ZPLD1: variants seen among roughly 807,000 people sequenced by gnomAD.
ZPLD1 encodes zona pellucida like domain containing 1, also known as zona pellucida-like domain-containing protein 1.
ZPLD1 carries 34 observed loss-of-function variants against 47.2 expected under a neutral mutation model. That is an observed-to-expected ratio of 0.72 (90% CI 0.55 to 0.96). The LOEUF (loss-of-function observed/expected upper bound fraction) is 0.96, where lower values mean the gene tolerates loss of function less well. ZPLD1 is among the 40% of genes least tolerant of loss of function. ZPLD1 has a pLI of 0.00. For missense variants in ZPLD1, 512 were observed against 505.8 expected (o/e 1.01, Z -0.12); for synonymous variants, 176 against 186.2 (o/e 0.95, Z 0.45).
intron 7 of ZPLD1, among the ~76,000 whole-genome samples, chr3:102,412,099 T>C (rs1429707614): frequency 6.6e-6 from 1 of 151,716 alleles, no homozygotes; most frequent in Non-Finnish European, 1.5e-5. Context: ...CCTCTGTCTT[T>C]ATTCTTAAGG....
rs1559763205 is a variant in ZPLD1, at chr3:102,474,295, G to C, written c.1043-2717G>C. On this transcript the variant is annotated intron_variant, in intron 10 of 11. Transcript: ENST00000466937. The stretch of plus-strand genomic sequence containing the variant: ...CAACACCAGAAAACAATACCTAATT[G>C]TTTTGTTTACTTAAATTCCTGTGGA... Among the ~76,000 whole-genome samples, 3 of 152,186 alleles carry C rather than the reference G, an allele frequency of 2.0e-5. 1 individual carries two copies. The East Asian group carries it at 5.8e-4, about 29-fold the overall frequency.
chr3:102,395,598 T>C (rs1260494118), intron 7 of ZPLD1, among the ~76,000 whole-genome samples: 1 of 152,150 alleles, frequency 6.6e-6, no homozygotes, highest in African/African-American at 2.4e-5. Flanking sequence ...ATAAGATCAA[T>C]TTGGGCTTCT....
At chr3:102,397,534 TAGG>T (rs1706571797) in intron 7 of ZPLD1, among the ~76,000 whole-genome samples, 1 of 151,954 alleles carries the variant, frequency 6.6e-6, no homozygotes, top group South Asian at 2.1e-4. Context: ...TGGAAGTGAG[TAGG>T]AGAACTCTGA....
At chr3:102,396,001 A>G (rs1706552627) in intron 7 of ZPLD1, among the ~76,000 whole-genome samples, 1 of 152,162 alleles carries the variant, frequency 6.6e-6, no homozygotes, top group East Asian at 1.9e-4. Context: ...CTTTAGAGAC[A>G]GATATTGTCA....
chr3:102,424,606 C>G (rs945969431), intron 8 of ZPLD1, among the ~76,000 whole-genome samples: 7 of 151,990 alleles, frequency 4.6e-5, no homozygotes, highest in Non-Finnish European at 8.8e-5. Flanking sequence ...GAGATTCGGC[C>G]CATGGGTACC....
At position 102,479,772 on chromosome 3, in the gene ZPLD1, T is replaced by G. The variant is rs1707812551; in HGVS notation, c.*2154T>G. ...AGTTTTAATACCTCAAACTGTTTTT[T>G]GCACTTCAGGGGTAAGGTCTGATGA... On this transcript the variant is annotated 3_prime_UTR_variant, in exon 12 of 12. Transcript: ENST00000466937. 6.6e-6 allele frequency: 1 copy of G among 152,192 alleles called. No individual in the cohort carries two copies. The highest frequency in any genetic ancestry group is 1.5e-5 in the Non-Finnish European group (1 of 68,026). 9.4% of individuals were successfully genotyped at this position (152,192 alleles called of 1,614,324 possible). A position where few individuals can be genotyped will look rare whatever the true frequency, so the allele number is the denominator to read the frequency against.
chr3:102,405,317 C>A (rs377289060), intron 7 of ZPLD1, among the ~76,000 whole-genome samples: 2 of 151,922 alleles, frequency 1.3e-5, no homozygotes, highest in East Asian at 3.9e-4. Context: ...GTTACCTTGC[C>A]CTATTTATAC....
At position 102,479,282 on chromosome 3, in the gene ZPLD1, G is replaced by A. The variant is rs896819741; in HGVS notation, c.*1664G>A. The A allele has an allele frequency of 6.6e-6, 1 of 152,148 alleles. No individual in the cohort carries two copies. Among genetic ancestry groups the A allele is most frequent in the African/African-American group, 2.4e-5 (1 of 41,446 alleles). The allele number at this position is 152,148 out of a possible 1,614,324, so 9.4% of individuals were successfully genotyped here. On this transcript the variant is annotated 3_prime_UTR_variant, in exon 12 of 12. Transcript: ENST00000466937. ...AGTGACTATTCTGAGCTTTATCTGT[G>A]TTAACATGATTAACTGACCATACTA...
intron 10 of ZPLD1, 43 bp from the exon 11 acceptor site, chr3:102,476,969 G>A: frequency 6.3e-7 from 1 of 1,596,626 alleles, no homozygotes; most frequent in South Asian, 1.1e-5. Context: ...GTAAATATTT[G>A]GAGAGATGAT....
chr3:102,462,451 G>T, intron 7 of ZPLD1, 73 bp downstream of exon 7: 2 of 997,646 alleles, frequency 2.0e-6, no homozygotes. Flanking sequence ...CATAAAGTTG[G>T]GCCATTCATT....
chr3:102,420,287 A>G (rs1706861666), intron 8 of ZPLD1, among the ~76,000 whole-genome samples: 1 of 151,936 alleles, frequency 6.6e-6, no homozygotes, highest in African/African-American at 2.4e-5. Context: ...ATGAGAAAGT[A>G]CTGAAAGACA....
At chr3:102,408,527 G>A (rs1706717205) in intron 7 of ZPLD1, among the ~76,000 whole-genome samples, 1 of 151,836 alleles carries the variant, frequency 6.6e-6, no homozygotes, top group Admixed American at 6.6e-5. Context: ...CTAGCACAGG[G>A]ATGATTTCTG....
chr3:102,476,243 T>C (rs1187725095), intron 10 of ZPLD1, among the ~76,000 whole-genome samples: 1 of 151,774 alleles, frequency 6.6e-6, no homozygotes, highest in Non-Finnish European at 1.5e-5. Flanking sequence ...CAAACACAAA[T>C]ATTAAAACAC....
upstream of ZPLD1, among the ~76,000 whole-genome samples, chr3:102,430,143 C>T (rs931718677): frequency 1.3e-5 from 2 of 152,180 alleles, no homozygotes; most frequent in Non-Finnish European, 2.9e-5. Context: ...CTCCTCCTAG[C>T]TCAGGATGAT....
At chr3:102,447,046 A>G (rs1486409440) in intron 3 of ZPLD1, among the ~76,000 whole-genome samples, 1 of 152,092 alleles carries the variant, frequency 6.6e-6, no homozygotes, top group Non-Finnish European at 1.5e-5. Flanking sequence ...CTGATTTTTC[A>G]TGTTTGATTC....
At chr3:102,427,693 C>T (rs1706964385) in intron 8 of ZPLD1, among the ~76,000 whole-genome samples, 1 of 152,170 alleles carries the variant, frequency 6.6e-6, no homozygotes, top group Non-Finnish European at 1.5e-5. Flanking sequence ...AGCACACACA[C>T]AATTCGTGAC....
At chr3:102,387,935 A>G (rs908774889) in intron 6 of ZPLD1, among the ~76,000 whole-genome samples, 1 of 133,626 alleles carries the variant, frequency 7.5e-6, no homozygotes, top group African/African-American at 2.9e-5. Context: ...ATCTCCGCTC[A>G]CTGCAAGCTC....
At chr3:102,437,155 T>C (rs1281412470) in intron 2 of ZPLD1, among the ~76,000 whole-genome samples, 182 bp downstream of exon 2, 1 of 152,208 alleles carries the variant, frequency 6.6e-6, no homozygotes, top group Non-Finnish European at 1.5e-5. Flanking sequence ...AGCCTTTTGC[T>C]TATGGACTGT....
At position 102,464,151 on chromosome 3, in the gene ZPLD1, G is replaced by A. The variant is rs1576163845; in HGVS notation, c.681-20G>A. 1 of 1,575,862 alleles carries A rather than the reference G, an allele frequency of 6.3e-7. No individual in the cohort carries two copies. The highest frequency in any genetic ancestry group is 8.7e-7 in the Non-Finnish European group (1 of 1,146,474). ...AAAGGAAATTCTGACTCTAGATTAT[G>A]TTTGCTTACATTCTTTCAGATGGAA... On this transcript the variant is annotated intron_variant, in intron 7 of 11. Transcript: ENST00000466937.
Sources: gnomAD v4.1 joint callset for allele counts (sites outside exome capture counted in the v4.1 genomes callset) on GRCh38, gnomAD v4.1.1 for gene constraint, MANE v1.5 for transcripts, NCBI Gene and HGNC (gene_info 2026-07-23, HGNC 2026-07-21) for gene names.